The following SCLT1 variants were observed in gnomAD, a reference collection of about 807,000 sequenced individuals.
SCLT1 encodes sodium channel-associated protein 1.
A neutral mutation model predicts 112.8 loss-of-function variants in SCLT1; 78 were observed. The ratio of observed to expected loss-of-function variants is 0.69; its 90% CI spans 0.58 to 0.83. The LOEUF is 0.83. Among genes scored for constraint, SCLT1 ranks in the 40% least tolerant of loss-of-function variants. The probability of loss-of-function intolerance (pLI) is 0.00; values close to 1 mark genes in which losing one functional copy is unlikely to be tolerated. For synonymous variants in SCLT1, 257 were observed against 254.7 expected, an observed-to-expected ratio of 1.01 and a Z score of -0.09; for missense variants, 747 against 770.4, an observed-to-expected ratio of 0.97 and a Z score of 0.36.
In SCLT1 at chr4:128,950,847, C is replaced by T. The variant is rs544001826; in HGVS notation, c.1218+1922G>A. On this transcript the variant is annotated intron_variant, in intron 14 of 20. Transcript: ENST00000281142. ...TTTCTTATTTGATATAGATTAATAG[C>T]AATCTGCTACATGGCAGAATAAAAC... Among the ~76,000 whole-genome samples the T allele has an allele frequency of 1.5e-3, 223 of 152,106 alleles. 6 individuals are homozygous for T. The highest frequency in any genetic ancestry group is 4.4e-4 in the Non-Finnish European group (30 of 67,986).
intron 5 of SCLT1, among the ~76,000 whole-genome samples, chr4:129,024,557 A>AT (rs1745832321): frequency 6.6e-6 from 1 of 152,202 alleles, no homozygotes; most frequent in Non-Finnish European, 1.5e-5. Flanking sequence ...GTACATCACC[A>AT]TCATCAAAGA....
At chr4:128,925,978 G>T (rs997939158) in intron 18 of SCLT1, among the ~76,000 whole-genome samples, 16 of 151,204 alleles carry the variant, frequency 1.1e-4, no homozygotes, top group Non-Finnish European at 1.8e-4. Context: ...ATTTACAATG[G>T]CTGGTTTAAA....
chr4:129,078,121 C>A (rs1365598233), intron 2 of SCLT1, among the ~76,000 whole-genome samples: 2 of 152,198 alleles, frequency 1.3e-5, no homozygotes, highest in East Asian at 3.8e-4. Flanking sequence ...GAATAGTACA[C>A]ATAAGAGAAG....
chr4:129,055,838 C>A (rs955953691), intron 2 of SCLT1, among the ~76,000 whole-genome samples: 2 of 150,476 alleles, frequency 1.3e-5, no homozygotes, highest in African/African-American at 4.9e-5. Context: ...AAAACAAAAA[C>A]AAACAAACAA....
At chr4:129,086,710 C>T (rs923036474) in intron 1 of SCLT1, among the ~76,000 whole-genome samples, 2 of 151,972 alleles carry the variant, frequency 1.3e-5, no homozygotes, top group Non-Finnish European at 2.9e-5. Flanking sequence ...CGCAGAAGGA[C>T]TAATGGGCAA....
chr4:128,937,489 T>C (rs1737312755), intron 17 of SCLT1, among the ~76,000 whole-genome samples: 1 of 152,172 alleles, frequency 6.6e-6, no homozygotes, highest in African/African-American at 2.4e-5. Flanking sequence ...CTGATTTCTG[T>C]TGCCAGAATC....
chr4:129,076,340 T>C (rs1751462453), intron 2 of SCLT1, among the ~76,000 whole-genome samples: 2 of 152,166 alleles, frequency 1.3e-5, no homozygotes, highest in Non-Finnish European at 2.9e-5. Context: ...TAGCCACTCA[T>C]ACCTCTTTGG....
At chr4:129,002,576 T>G (rs1743602202) in intron 6 of SCLT1, among the ~76,000 whole-genome samples, 1 of 151,802 alleles carries the variant, frequency 6.6e-6, no homozygotes, top group South Asian at 2.1e-4. Flanking sequence ...ACAAAGAACT[T>G]AAACAAATTT....
At chr4:128,975,679 CG>C (rs1741108560) in intron 9 of SCLT1, among the ~76,000 whole-genome samples, 3 of 152,000 alleles carry the variant, frequency 2.0e-5, no homozygotes, top group Non-Finnish European at 2.9e-5. Context: ...AAAATGCACA[CG>C]TTAGGTAATT....
intron 9 of SCLT1, among the ~76,000 whole-genome samples, chr4:128,979,992 C>G (rs1741506150): frequency 6.6e-6 from 1 of 152,152 alleles, no homozygotes; most frequent in Non-Finnish European, 1.5e-5. Flanking sequence ...ACAGTAATCC[C>G]TTTAAATAAC....
At chr4:128,885,203 T>G (rs981707538) in intron 20 of SCLT1, among the ~76,000 whole-genome samples, 2 of 151,954 alleles carry the variant, frequency 1.3e-5, no homozygotes, top group Admixed American at 6.6e-5. Context: ...AATAGAAAAA[T>G]AATCTTTAAA....
chr4:128,960,777 G>A (rs1208908062), intron 11 of SCLT1, among the ~76,000 whole-genome samples: 1 of 150,482 alleles, frequency 6.6e-6, no homozygotes, highest in Non-Finnish European at 1.5e-5. Flanking sequence ...AAAATTAGCC[G>A]GGCTCGGTGG....
At chr4:128,898,894 A>G (rs1734024624) in intron 18 of SCLT1, among the ~76,000 whole-genome samples, 1 of 152,172 alleles carries the variant, frequency 6.6e-6, no homozygotes, top group Admixed American at 6.5e-5. Context: ...TACTATAAAC[A>G]CCTCTACGCA....
chr4:129,053,726 T>C (rs1256358775), intron 2 of SCLT1, among the ~76,000 whole-genome samples: 1 of 152,032 alleles, frequency 6.6e-6, no homozygotes, highest in African/African-American at 2.4e-5. Flanking sequence ...GTCTGTGTCT[T>C]TTAATTGGGG....
At chr4:129,019,859 A>AAT (rs921664185) in intron 5 of SCLT1, among the ~76,000 whole-genome samples, 4 of 150,666 alleles carry the variant, frequency 2.7e-5, no homozygotes, top group African/African-American at 9.7e-5. Flanking sequence ...ATGCTCCTCC[A>AAT]ATTAATCATA....
intron 17 of SCLT1, among the ~76,000 whole-genome samples, chr4:128,938,926 G>A (rs1380280334): frequency 2.0e-5 from 3 of 152,244 alleles, no homozygotes; most frequent in East Asian, 3.9e-4. Context: ...CAGTGGCAGT[G>A]AGCCAAGATC....
chr4:129,038,464 T>C (rs1395213932), intron 5 of SCLT1, among the ~76,000 whole-genome samples: 3 of 152,146 alleles, frequency 2.0e-5, no homozygotes, highest in African/African-American at 7.2e-5. Context: ...TATACAGTCT[T>C]TAAAAATGTA....
chr4:128,970,316 A>T, intron 10 of SCLT1, 62 bp downstream of exon 10: 3 of 920,964 alleles, frequency 3.3e-6, no homozygotes, highest in Middle Eastern at 2.1e-4. Context: ...TCCAAAATAA[A>T]TCAACAAAAT....
At chr4:128,901,651 C>T (rs1734310933) in intron 18 of SCLT1, among the ~76,000 whole-genome samples, 1 of 151,562 alleles carries the variant, frequency 6.6e-6, no homozygotes, top group African/African-American at 2.4e-5. Context: ...TACACATGTA[C>T]CCTAAAACTT....
Sources: gnomAD v4.1 joint callset for allele counts (sites outside exome capture counted in the v4.1 genomes callset) on GRCh38, gnomAD v4.1.1 for gene constraint, MANE v1.5 for transcripts, NCBI Gene and HGNC (gene_info 2026-07-23, HGNC 2026-07-21) for gene names.